The following NKAIN2 variants were observed in gnomAD, a reference collection of about 807,000 sequenced individuals.
NKAIN2 encodes the protein sodium/potassium-transporting ATPase subunit beta-1-interacting protein 2.
In NKAIN2, 14 loss-of-function variants were observed where a neutral mutation model predicts 32.6. The ratio of observed to expected loss-of-function variants is 0.43; its 90% CI spans 0.28 to 0.67. The LOEUF (loss-of-function observed/expected upper bound fraction) is 0.67. NKAIN2 is among the 30% of genes least tolerant of loss of function. The pLI is 0.17. For synonymous variants in NKAIN2, 80 were observed against 87.2 expected (o/e 0.92, Z 0.46); for missense variants, 198 against 258.3 (o/e 0.77, Z 1.60).
At chr6:124,249,296 A>C (rs1793574012) in intron 1 of NKAIN2, among the ~76,000 whole-genome samples, 1 of 152,116 alleles carries the variant, frequency 6.6e-6, no homozygotes, top group Non-Finnish European at 1.5e-5. Flanking sequence ...CCTCTGTCGA[A>C]GTGAGTGGAT....
intron 1 of NKAIN2, among the ~76,000 whole-genome samples, chr6:124,164,164 C>T (rs902421252): frequency 1.3e-5 from 2 of 152,024 alleles, no homozygotes; most frequent in African/African-American, 4.8e-5. Flanking sequence ...TATTTTGGTA[C>T]ATTTATTTAA....
intron 3 of NKAIN2, among the ~76,000 whole-genome samples, chr6:124,467,770 T>C (rs1179267650): frequency 2.0e-5 from 3 of 152,164 alleles, no homozygotes; most frequent in Admixed American, 6.5e-5. Context: ...ATAATGATTA[T>C]AATATTTCAT....
chr6:124,000,943 G>A (rs1216155441), intron 1 of NKAIN2, among the ~76,000 whole-genome samples: 1 of 152,068 alleles, frequency 6.6e-6, no homozygotes, highest in Non-Finnish European at 1.5e-5. Flanking sequence ...TGTAAAAGCA[G>A]TACGTGTAAA....
At chr6:124,692,810 G>A (rs764354138) in intron 4 of NKAIN2, among the ~76,000 whole-genome samples, 38 of 151,700 alleles carry the variant, frequency 2.5e-4, no homozygotes, top group Admixed American at 3.9e-4. Context: ...GAGCAAGGCT[G>A]TCTCAAAAGA....
intron 1 of NKAIN2, among the ~76,000 whole-genome samples, chr6:124,217,936 T>G (rs1791574127): frequency 6.6e-6 from 1 of 152,116 alleles, no homozygotes; most frequent in South Asian, 2.1e-4. Context: ...GTGTTTCATA[T>G]AATAGCAGTA....
intron 4 of NKAIN2, among the ~76,000 whole-genome samples, chr6:124,701,977 A>G (rs1384656636): frequency 2.6e-5 from 4 of 152,124 alleles, no homozygotes; most frequent in Non-Finnish European, 5.9e-5. Context: ...CAGTGAGCCC[A>G]TAAAGGAGAA....
At chr6:124,227,415 G>C (rs922798458) in intron 1 of NKAIN2, among the ~76,000 whole-genome samples, 1 of 152,142 alleles carries the variant, frequency 6.6e-6, no homozygotes, top group African/African-American at 2.4e-5. Context: ...ACACTCACGC[G>C]TAATTCTCTA....
intron 4 of NKAIN2, among the ~76,000 whole-genome samples, chr6:124,697,488 G>A (rs1157080906): frequency 6.6e-6 from 1 of 152,050 alleles, no homozygotes; most frequent in South Asian, 2.1e-4. Flanking sequence ...GCAGTTATGA[G>A]TACACTTCTG....
intron 3 of NKAIN2, among the ~76,000 whole-genome samples, chr6:124,382,119 A>AT (rs34315579): frequency 0.46 from 69,899 of 151,384 alleles, 16,150 homozygotes; most frequent in South Asian, 0.55. Context: ...GCAATTACCC[A>AT]TTTTTTTTGC....
intron 1 of NKAIN2, among the ~76,000 whole-genome samples, chr6:123,921,431 C>T (rs2114491395): frequency 6.6e-6 from 1 of 152,304 alleles, no homozygotes; most frequent in South Asian, 2.1e-4. Context: ...TTCCCTCAGT[C>T]ATAGAGTAAA....
intron 1 of NKAIN2, among the ~76,000 whole-genome samples, chr6:123,873,216 T>C (rs1448647914): frequency 1.7e-5 from 2 of 116,084 alleles, no homozygotes; most frequent in South Asian, 2.9e-4. Flanking sequence ...AGAGCTAATA[T>C]ATATAATCTA....
At chr6:124,075,760 T>A (rs1327997491) in intron 1 of NKAIN2, among the ~76,000 whole-genome samples, 1 of 152,088 alleles carries the variant, frequency 6.6e-6, no homozygotes, top group East Asian at 1.9e-4. Context: ...CATGTCCGGC[T>A]AATTTTTGTA....
At chr6:124,134,043 T>A (rs1259877695) in intron 1 of NKAIN2, among the ~76,000 whole-genome samples, 1 of 151,394 alleles carries the variant, frequency 6.6e-6, no homozygotes, top group Non-Finnish European at 1.5e-5. Flanking sequence ...AATCCCTGAA[T>A]TACCAGATAA....
chr6:124,201,623 C>T (rs986946820), intron 1 of NKAIN2, among the ~76,000 whole-genome samples: 8 of 151,942 alleles, frequency 5.3e-5, no homozygotes, highest in Non-Finnish European at 8.8e-5. Flanking sequence ...GTTATGTCAA[C>T]GTAATTACTC....
chr6:124,715,169 T>C (rs1775692457), intron 4 of NKAIN2, among the ~76,000 whole-genome samples: 1 of 152,218 alleles, frequency 6.6e-6, no homozygotes, highest in African/African-American at 2.4e-5. Context: ...TCTAGCCAGA[T>C]CACACTGGTT....
In NKAIN2 at chr6:124,530,621, G is replaced by A. The variant is rs536344434; in HGVS notation, c.274-127565G>A. 3.4e-4 allele frequency among the ~76,000 whole-genome samples: 52 copies of A among 152,286 alleles called. 1 individual carries two copies. The South Asian group carries it at 0.011, about 31-fold the overall frequency. ...GCTATTATGGGAAATTGCTTATTTGGTTATGAAGGTCAAGTCCCACCATTT... is the reference window on the plus strand; with the variant it reads ...GCTATTATGGGAAATTGCTTATTTGATTATGAAGGTCAAGTCCCACCATTT... On this transcript the variant is annotated intron_variant, in intron 3 of 6. Coordinates refer to ENST00000368417, the MANE Select transcript of NKAIN2 (RefSeq NM_001040214.3).
At chr6:124,088,373 C>T (rs1351055622) in intron 1 of NKAIN2, among the ~76,000 whole-genome samples, 3 of 151,898 alleles carry the variant, frequency 2.0e-5, no homozygotes, top group Non-Finnish European at 2.9e-5. Context: ...CATGCCACTG[C>T]ACTCCAGCCC....
rs3831017 is a variant in NKAIN2 at position 124,823,379 on chromosome 6, G to GAC, written c.*169_*170dup. 2,220 of 586,462 alleles carry GAC rather than the reference G, an allele frequency of 3.8e-3. 10 individuals are homozygous for GAC. The East Asian group carries it at 0.039, about 10-fold the overall frequency. The allele number at this position is 586,462 out of a possible 1,614,324, so 36.3% of individuals were successfully genotyped here. Reference sequence around the variant, plus strand: ...ATGCAAAGCCTCTACATACAACACTGACACACACACACACACACACGTGAG... The same window carrying GAC: ...ATGCAAAGCCTCTACATACAACACTGACACACACACACACACACACACGTGAG... On this transcript the variant is annotated 3_prime_UTR_variant, in exon 7 of 7. Coordinates refer to ENST00000368417, the MANE Select transcript of NKAIN2 (RefSeq NM_001040214.3).
chr6:123,929,642 GT>G (rs1466620604), intron 1 of NKAIN2, among the ~76,000 whole-genome samples: 3 of 152,078 alleles, frequency 2.0e-5, no homozygotes, highest in Non-Finnish European at 4.4e-5. Flanking sequence ...ATATACTGTA[GT>G]TTTTCCAGTT....
Sources: gnomAD v4.1 joint callset for allele counts (sites outside exome capture counted in the v4.1 genomes callset) on GRCh38, gnomAD v4.1.1 for gene constraint, MANE v1.5 for transcripts, NCBI Gene and HGNC (gene_info 2026-07-23, HGNC 2026-07-21) for gene names.